The following CCDC57 variants were observed in gnomAD, a reference collection of about 807,000 sequenced individuals.
The protein encoded by CCDC57 is coiled-coil domain-containing protein 57.
In CCDC57, 118 loss-of-function variants were observed where a neutral mutation model predicts 118.9. The observed-to-expected ratio is 0.99, with a 90% confidence interval of 0.86 to 1.16. The LOEUF is 1.16. CCDC57 is among the 50% of genes most tolerant of loss of function. The probability of loss-of-function intolerance (pLI) is 0.00; values close to 1 mark genes in which losing one functional copy is unlikely to be tolerated. For synonymous variants in CCDC57, 527 were observed against 532.9 expected (o/e 0.99, Z 0.15); for missense variants, 1,300 against 1,320.7 (o/e 0.98, Z 0.24).
chr17:82,182,464 C>CT, intron 9 of CCDC57, among the ~76,000 whole-genome samples: 1 of 151,836 alleles, frequency 6.6e-6, no homozygotes, highest in African/African-American at 2.4e-5. Context: ...AGTGATTCTC[C>CT]TGCCTCAGCC....
At chr17:82,124,973 C>T (rs530770251) in intron 19 of CCDC57, among the ~76,000 whole-genome samples, 86 of 152,184 alleles carry the variant, frequency 5.7e-4, no homozygotes, top group African/African-American at 1.9e-3. Context: ...TGCAAGGAGG[C>T]GGTGCCCCTA....
chr17:82,127,622 T>C lies in CCDC57; in HGVS notation c.2899+70A>G, dbSNP rs1480588693. 1.2e-5 allele frequency: 18 copies of C among 1,511,400 alleles called. No homozygotes were observed. In the East Asian group the frequency reaches 2.5e-4, roughly 21 times the overall value. The allele number at this position is 1,511,400 out of a possible 1,614,324, so 93.6% of individuals were successfully genotyped here. On this transcript the variant is annotated intron_variant, in intron 19 of 19. Transcript: ENST00000665763. ...GCACGCAGGGTGCTGACTCTCCACA[T>C]GCCCCTCGGAGAGGGTGGCCCTCGC... is the stretch of plus-strand genomic sequence containing the variant.
At chr17:82,113,623 G>C (rs1169396930) in intron 19 of CCDC57, 2 of 717,544 alleles carry the variant, frequency 2.8e-6, no homozygotes, top group Non-Finnish European at 5.2e-6. Flanking sequence ...CCTGGTTCAT[G>C]TTTGGGTGAA....
At chr17:82,103,270 G>C (rs1003033535) in intron 19 of CCDC57, among the ~76,000 whole-genome samples, 4 of 151,756 alleles carry the variant, frequency 2.6e-5, no homozygotes, top group African/African-American at 9.7e-5. Flanking sequence ...CCCGGAACCA[G>C]TCTTCCTTTT....
intron 16 of CCDC57, among the ~76,000 whole-genome samples, chr17:82,149,280 GGATA>G (rs922530959): frequency 1.3e-5 from 2 of 151,266 alleles, no homozygotes; most frequent in African/African-American, 4.9e-5. Context: ...GTGAATGGAT[GGATA>G]GATGGATGGG....
intron 16 of CCDC57, among the ~76,000 whole-genome samples, chr17:82,142,456 G>T (rs962293725): frequency 2.0e-5 from 3 of 152,134 alleles, no homozygotes; most frequent in Non-Finnish European, 4.4e-5. Flanking sequence ...GGGACTATAG[G>T]CGCGCAACAC....
At chr17:82,132,486 G>T (rs1568202881) in intron 17 of CCDC57, among the ~76,000 whole-genome samples, 1 of 152,124 alleles carries the variant, frequency 6.6e-6, no homozygotes, top group Non-Finnish European at 1.5e-5. Context: ...CGGAAAATTA[G>T]CAAGGAACAC....
chr17:82,186,606 G>A (rs2046954704), intron 8 of CCDC57, among the ~76,000 whole-genome samples: 1 of 152,116 alleles, frequency 6.6e-6, no homozygotes, highest in Non-Finnish European at 1.5e-5. Flanking sequence ...CTGGTACTGT[G>A]TAGTTCTAAG....
intron 13 of CCDC57, among the ~76,000 whole-genome samples, chr17:82,167,667 A>G (rs187009645): frequency 6.6e-6 from 1 of 151,794 alleles, no homozygotes; most frequent in Non-Finnish European, 1.5e-5. Context: ...TGCATTTTTA[A>G]TAGGGGTTTC....
At chr17:82,164,929 C>T (rs543092093) in intron 13 of CCDC57, among the ~76,000 whole-genome samples, 5 of 152,244 alleles carry the variant, frequency 3.3e-5, no homozygotes, top group South Asian at 2.1e-4. Context: ...ATGAGGCCAG[C>T]GTAACTCTGA....
At chr17:82,147,740 G>A (rs111219094) in intron 16 of CCDC57, among the ~76,000 whole-genome samples, 7 of 89,090 alleles carry the variant, frequency 7.9e-5, no homozygotes, top group South Asian at 4.1e-4. Flanking sequence ...TGGGTGGGTG[G>A]ATGGTAGATG....
intron 19 of CCDC57, among the ~76,000 whole-genome samples, chr17:82,109,964 C>T (rs1598619290): frequency 1.3e-5 from 2 of 150,650 alleles, no homozygotes; most frequent in South Asian, 4.2e-4. Flanking sequence ...CAGAAAACGT[C>T]ATAAGAGGCA....
At chr17:82,182,454 A>G (rs958769425) in intron 9 of CCDC57, among the ~76,000 whole-genome samples, 6 of 151,742 alleles carry the variant, frequency 4.0e-5, no homozygotes, top group Non-Finnish European at 7.4e-5. Flanking sequence ...CCTGGGTTCA[A>G]GTGATTCTCC....
At chr17:82,149,121 C>CATGG (rs143792474) in intron 16 of CCDC57, among the ~76,000 whole-genome samples, 1,466 of 39,528 alleles carry the variant, frequency 0.037, 8 homozygotes, top group East Asian at 0.14. Flanking sequence ...TAAGTGGTTG[C>CATGG]ATGGATGGAT....
intron 19 of CCDC57, chr17:82,107,771 A>C: frequency 2.7e-6 from 1 of 371,400 alleles, no homozygotes; most frequent in Admixed American, 3.3e-5. Context: ...ACCGGCGTCC[A>C]CCTGAGATGG....
chr17:82,205,285 C>T (rs1215731008), intron 2 of CCDC57, among the ~76,000 whole-genome samples: 1 of 152,220 alleles, frequency 6.6e-6, no homozygotes, highest in Non-Finnish European at 1.5e-5. Flanking sequence ...CTCTGAGGGA[C>T]TGCTGTGGCC....
At position 82,118,849 on chromosome 17, in the gene CCDC57, A is replaced by C. The variant is rs2036265651; in HGVS notation, c.2899+8843T>G. Reference sequence around the variant, plus strand: ...TCTGTGATTTCTTCACCCGTATCTAAGGTTAACCCTCTTCCGGCCATTTGT... The same window carrying C: ...TCTGTGATTTCTTCACCCGTATCTACGGTTAACCCTCTTCCGGCCATTTGT... On this transcript the variant is annotated intron_variant, in intron 19 of 19. Coordinates refer to ENST00000665763, the Ensembl canonical transcript of CCDC57. This position sits in a 1 kb window ranked among gnomAD's most constrained non-coding sequence, Gnocchi z 4.7. 6.6e-6 allele frequency among the ~76,000 whole-genome samples: 1 copy of C among 151,852 alleles called. No individual in the cohort carries two copies. Among genetic ancestry groups the C allele is most frequent in the African/African-American group, 2.4e-5 (1 of 41,304 alleles).
intron 16 of CCDC57, among the ~76,000 whole-genome samples, chr17:82,136,595 A>AG (rs1188656924): frequency 7.6e-6 from 1 of 131,798 alleles, no homozygotes; most frequent in Non-Finnish European, 1.6e-5. Context: ...AAAAAAAAAA[A>AG]AAAAGAAAAC....
chr17:82,149,393 CT>C (rs1433141434), intron 16 of CCDC57, among the ~76,000 whole-genome samples: 3 of 152,030 alleles, frequency 2.0e-5, no homozygotes, highest in Non-Finnish European at 4.4e-5. Flanking sequence ...TGCCCCTTGC[CT>C]TTCTTAGGAA....
Sources: allele counts gnomAD v4.1 joint callset (sites outside exome capture counted in the v4.1 genomes callset), GRCh38; gene constraint gnomAD v4.1.1; non-coding constraint Gnocchi (gnomAD v3.1); transcripts MANE v1.5; gene names NCBI Gene and HGNC (gene_info 2026-07-23, HGNC 2026-07-21).